Variants in RBPJ observed in about 807,000 individuals in gnomAD.
RBPJ encodes the protein recombining binding protein suppressor of hairless.
In RBPJ, 9 loss-of-function variants were observed where a neutral mutation model predicts 67.8. The observed-to-expected ratio is 0.13, with a 90% CI of 0.08 to 0.23. The LOEUF is 0.23. RBPJ is among the 10% of genes least tolerant of loss of function. The pLI is 1.00. For synonymous variants in RBPJ, 198 were observed against 203.3 expected (o/e 0.97, Z 0.22); for missense variants, 305 against 595.6 (o/e 0.51, Z 5.08).
chr4:26,290,690 A>G (rs1401658109), intron 1 of RBPJ, among the ~76,000 whole-genome samples: 1 of 150,978 alleles, frequency 6.6e-6, no homozygotes, highest in Non-Finnish European at 1.5e-5. Flanking sequence ...GTTTAACTTC[A>G]GCGATAACAT....
intron 1 of RBPJ, among the ~76,000 whole-genome samples, chr4:26,358,020 C>T (rs1230605075): frequency 1.4e-5 from 2 of 145,118 alleles, no homozygotes; most frequent in Non-Finnish European, 3.0e-5. Flanking sequence ...AGGGGGTATT[C>T]GTGTGTGTGT....
At chr4:26,300,264 G>A (rs1722032417) in intron 1 of RBPJ, among the ~76,000 whole-genome samples, 1 of 151,944 alleles carries the variant, frequency 6.6e-6, no homozygotes, top group South Asian at 2.1e-4. Flanking sequence ...GGGGTGGGTG[G>A]TCTTGATGAT....
At chr4:26,122,218 T>A in the RBPJ span, among the ~76,000 whole-genome samples, 2 of 152,156 alleles carry the variant, frequency 1.3e-5, no homozygotes, top group Non-Finnish European at 2.9e-5. Context: ...AGTGAAGTGA[T>A]CAAGAGAAAA....
rs575961313 is a variant in RBPJ, at chr4:26,417,642, A to G, written c.321+2002A>G. ...GGCATCCCAGGCAGAAAAAAAAACA[A>G]TATAATCATGTGCTTAGAGCATAAA... On this transcript the variant is annotated intron_variant, in intron 4 of 10. Transcript: ENST00000355476. 8.5e-5 allele frequency among the ~76,000 whole-genome samples: 13 copies of G among 152,350 alleles called. No homozygotes were observed. The South Asian group carries it at 2.1e-3, about 24-fold the overall frequency.
At chr4:26,379,820 C>T (rs1730134757) in intron 1 of RBPJ, among the ~76,000 whole-genome samples, 1 of 152,138 alleles carries the variant, frequency 6.6e-6, no homozygotes, top group Non-Finnish European at 1.5e-5. Context: ...AAGTGATTCT[C>T]CTGACTTGGC....
At chr4:26,248,714 A>G (rs1194453837) in intron 1 of RBPJ, among the ~76,000 whole-genome samples, 1 of 152,194 alleles carries the variant, frequency 6.6e-6, no homozygotes, top group Non-Finnish European at 1.5e-5. Context: ...GGAATTTTTA[A>G]TTCCATAAAT....
intron 1 of RBPJ, among the ~76,000 whole-genome samples, chr4:26,228,108 C>T (rs1248107054): frequency 6.6e-6 from 1 of 152,236 alleles, no homozygotes; most frequent in Non-Finnish European, 1.5e-5. Context: ...CACCTTTCTT[C>T]TGGAAGGGAG....
At chr4:26,230,771 C>T (rs1005954091) in intron 1 of RBPJ, among the ~76,000 whole-genome samples, 9 of 151,992 alleles carry the variant, frequency 5.9e-5, no homozygotes, top group African/African-American at 2.2e-4. Context: ...ATTAGCTTTC[C>T]ACACTTTCGA....
chr4:26,129,204 A>G, the RBPJ span, among the ~76,000 whole-genome samples: 1 of 152,176 alleles, frequency 6.6e-6, no homozygotes, highest in South Asian at 2.1e-4. Context: ...GAAGTAAATT[A>G]ATAATCAGTA....
At chr4:26,253,938 A>G (rs1170109225) in intron 1 of RBPJ, among the ~76,000 whole-genome samples, 2 of 149,088 alleles carry the variant, frequency 1.3e-5, no homozygotes. Flanking sequence ...CTAAAACAAC[A>G]TTGGTGCAAA....
intron 5 of RBPJ, among the ~76,000 whole-genome samples, chr4:26,423,740 A>C (rs923163598): frequency 6.6e-6 from 1 of 152,140 alleles, no homozygotes; most frequent in Non-Finnish European, 1.5e-5. Context: ...ACATGGATTT[A>C]TTTTCAAGAA....
In RBPJ at chr4:26,254,141, A is replaced by G. The variant is rs1047891059; in HGVS notation, c.-167+90527A>G. On this transcript the variant is annotated intron_variant, in intron 1 of 4. Transcript: ENST00000512351. ...GGTCCACATCATTCTGCACCTAAAC[A>G]AGGACAATAGCATCCCAGCTGGTCT... 3.4e-5 allele frequency among the ~76,000 whole-genome samples: 5 copies of G among 148,816 alleles called. 1 individual carries two copies. Among genetic ancestry groups the G allele is most frequent in the African/African-American group, 1.3e-4 (5 of 38,258 alleles).
At chr4:26,299,042 C>T (rs550867329) in intron 1 of RBPJ, among the ~76,000 whole-genome samples, 7 of 152,086 alleles carry the variant, frequency 4.6e-5, no homozygotes, top group South Asian at 2.1e-4. Flanking sequence ...TGTTTCTCTC[C>T]GATTCCAAAA....
chr4:26,345,007 G>A lies in RBPJ; in HGVS notation c.20+23959G>A, dbSNP rs142725786. ...CATTTAAAAAATTTTGTTAAATTTA[G>A]TCTCGTTCTTCCTACAAAAGAGCTT... On this transcript the variant is annotated intron_variant, in intron 1 of 10. Transcript: ENST00000355476. Among the ~76,000 whole-genome samples, 64 of 152,304 alleles carry A rather than the reference G, an allele frequency of 4.2e-4. No individual in the cohort carries two copies. The East Asian group carries it at 0.011, about 26-fold the overall frequency.
chr4:26,422,339 A>G (rs370926123), intron 5 of RBPJ, among the ~76,000 whole-genome samples: 2 of 152,124 alleles, frequency 1.3e-5, no homozygotes, highest in Admixed American at 1.3e-4. Context: ...GTTTAAATCC[A>G]TTTCATTAAA....
chr4:26,306,438 A>AATT (rs556823125), intron 1 of RBPJ, among the ~76,000 whole-genome samples: 3,664 of 147,092 alleles, frequency 0.025, 75 homozygotes, highest in Middle Eastern at 0.064. Context: ...TTATTTGGAG[A>AATT]ATTATTATTA....
intron 4 of RBPJ, among the ~76,000 whole-genome samples, chr4:26,416,582 T>C (rs1437926329): frequency 6.6e-6 from 1 of 152,204 alleles, no homozygotes; most frequent in Admixed American, 6.5e-5. Flanking sequence ...AGAATTTAGC[T>C]ATGGTTTTAT....
At chr4:26,358,676 A>C (rs1727677361) in intron 1 of RBPJ, among the ~76,000 whole-genome samples, 1 of 151,078 alleles carries the variant, frequency 6.6e-6, no homozygotes, top group Non-Finnish European at 1.5e-5. Context: ...CCAGCTACTC[A>C]GGAGGCTGAG....
intron 1 of RBPJ, among the ~76,000 whole-genome samples, chr4:26,385,843 C>T (rs1470217536): frequency 6.6e-6 from 1 of 151,018 alleles, no homozygotes; most frequent in Admixed American, 6.6e-5. Flanking sequence ...TGCTGTGTCA[C>T]CCAGGCTGGA....
Sources: allele counts gnomAD v4.1 joint callset (sites outside exome capture counted in the v4.1 genomes callset), GRCh38; gene constraint gnomAD v4.1.1; transcripts MANE v1.5; gene names NCBI Gene and HGNC (gene_info 2026-07-23, HGNC 2026-07-21).